SPAG16: variants seen among roughly 807,000 people sequenced by gnomAD.
The protein encoded by SPAG16 is sperm associated antigen 16.
SPAG16 carries 86 observed loss-of-function variants against 80.4 expected under a neutral mutation model. The ratio of observed to expected loss-of-function variants is 1.07; its 90% CI spans 0.90 to 1.28. SPAG16 has a LOEUF of 1.28. SPAG16 is among the 50% of genes most tolerant of loss of function. SPAG16 has a pLI of 0.00. For missense variants in SPAG16, 870 were observed against 765.3 expected (o/e 1.14, Z -1.61); for synonymous variants, 294 against 265.9 (o/e 1.11, Z -1.03).
chr2:214,270,799 T>C (rs1691934805), intron 15 of SPAG16, among the ~76,000 whole-genome samples: 1 of 152,172 alleles, frequency 6.6e-6, no homozygotes, highest in African/African-American at 2.4e-5. Flanking sequence ...TCTGACCATC[T>C]TATCTATAAA....
chr2:213,399,564 T>G (rs1421663588), intron 9 of SPAG16, among the ~76,000 whole-genome samples: 2 of 152,002 alleles, frequency 1.3e-5, no homozygotes, highest in African/African-American at 2.4e-5. Context: ...TGGACCTAGT[T>G]AATCATTTTT....
intron 10 of SPAG16, among the ~76,000 whole-genome samples, chr2:213,706,876 T>A (rs961606138): frequency 6.6e-6 from 1 of 152,224 alleles, no homozygotes; most frequent in Non-Finnish European, 1.5e-5. Context: ...AGAATCTGCT[T>A]CTAGTCATTA....
At chr2:214,129,297 A>G (rs2054645711) in intron 14 of SPAG16, among the ~76,000 whole-genome samples, 1 of 152,058 alleles carries the variant, frequency 6.6e-6, no homozygotes, top group African/African-American at 2.4e-5. Flanking sequence ...TCCTTGTGTT[A>G]TGGGATAGAA....
At chr2:213,308,280 A>G (rs1418488412) in intron 3 of SPAG16, among the ~76,000 whole-genome samples, 1 of 152,080 alleles carries the variant, frequency 6.6e-6, no homozygotes, top group Non-Finnish European at 1.5e-5. Context: ...AATAATTTTT[A>G]TGGCTGTACT....
intron 9 of SPAG16, among the ~76,000 whole-genome samples, chr2:213,383,913 C>G (rs2067299070): frequency 6.6e-6 from 1 of 152,194 alleles, no homozygotes; most frequent in African/African-American, 2.4e-5. Context: ...GTCTGCCCAA[C>G]TGAATGCACA....
At chr2:213,768,923 A>G (rs1301229629) in intron 10 of SPAG16, among the ~76,000 whole-genome samples, 1 of 152,218 alleles carries the variant, frequency 6.6e-6, no homozygotes, top group Non-Finnish European at 1.5e-5. Flanking sequence ...GCTATAACAT[A>G]GAGAATCCAT....
chr2:213,956,614 A>T (rs1003470019), intron 12 of SPAG16, among the ~76,000 whole-genome samples: 16 of 151,226 alleles, frequency 1.1e-4, no homozygotes, highest in African/African-American at 3.9e-4. Context: ...CGCCTGGCTA[A>T]TTTTTGTATT....
At chr2:213,849,607 A>G (rs1317558232) in intron 10 of SPAG16, among the ~76,000 whole-genome samples, 2 of 152,204 alleles carry the variant, frequency 1.3e-5, no homozygotes, top group Non-Finnish European at 2.9e-5. Context: ...TGAATTCTAT[A>G]CTATACCTCA....
intron 10 of SPAG16, among the ~76,000 whole-genome samples, chr2:213,682,767 G>A (rs905713290): frequency 1.3e-5 from 2 of 152,120 alleles, no homozygotes; most frequent in Non-Finnish European, 2.9e-5. Context: ...CTGGTCGGAG[G>A]TGTCACTTGT....
chr2:214,039,759 T>C (rs1361482838), intron 13 of SPAG16, among the ~76,000 whole-genome samples: 1 of 152,238 alleles, frequency 6.6e-6, no homozygotes, highest in Admixed American at 6.5e-5. Flanking sequence ...TTATTTTGCT[T>C]TGTTTTTGTA....
At chr2:213,917,303 C>A (rs1167158587) in intron 11 of SPAG16, among the ~76,000 whole-genome samples, 1 of 152,088 alleles carries the variant, frequency 6.6e-6, no homozygotes, top group Non-Finnish European at 1.5e-5. Flanking sequence ...TTTTCTAATT[C>A]TGTGAAGAAT....
At chr2:213,410,051 C>G (rs1041568781) in intron 9 of SPAG16, among the ~76,000 whole-genome samples, 2 of 146,304 alleles carry the variant, frequency 1.4e-5, no homozygotes, top group African/African-American at 5.1e-5. Context: ...CTACCTTGTG[C>G]TGCTAACCAC....
chr2:214,381,057 A>G (rs1298328018), intron 15 of SPAG16, among the ~76,000 whole-genome samples: 1 of 152,222 alleles, frequency 6.6e-6, no homozygotes. Context: ...GGAAAGCAGA[A>G]TGCTACCTTT....
chr2:213,354,057 C>T (rs192417979), intron 7 of SPAG16, among the ~76,000 whole-genome samples: 2 of 152,056 alleles, frequency 1.3e-5, no homozygotes, highest in Admixed American at 6.5e-5. Context: ...CATGATAGGC[C>T]CTGGTGTGTG....
chr2:213,640,982 G>T, intron 10 of SPAG16, among the ~76,000 whole-genome samples: 1 of 152,214 alleles, frequency 6.6e-6, no homozygotes, highest in East Asian at 1.9e-4. Flanking sequence ...TCTGGTAATG[G>T]ATAGGGCTAT....
At chr2:214,129,018 A>T (rs2125488258) in intron 14 of SPAG16, among the ~76,000 whole-genome samples, 1 of 151,840 alleles carries the variant, frequency 6.6e-6, no homozygotes, top group Admixed American at 6.7e-5. Flanking sequence ...TTCCCAGTGT[A>T]ATCTGAACAT....
At chr2:213,966,070 G>A (rs1488206244) in intron 12 of SPAG16, among the ~76,000 whole-genome samples, 1 of 152,132 alleles carries the variant, frequency 6.6e-6, no homozygotes, top group Non-Finnish European at 1.5e-5. Context: ...TAGAGTTTCT[G>A]CAACATATAC....
chr2:213,339,588 C>G (rs1285269545), intron 5 of SPAG16, among the ~76,000 whole-genome samples: 1 of 152,148 alleles, frequency 6.6e-6, no homozygotes, highest in Non-Finnish European at 1.5e-5. Flanking sequence ...TATTACAGCA[C>G]TGATATTGAA....
At chr2:213,563,313 T>G (rs575372700) in intron 10 of SPAG16, among the ~76,000 whole-genome samples, 86 of 152,350 alleles carry the variant, frequency 5.6e-4, no homozygotes, top group African/African-American at 2.0e-3. Flanking sequence ...AATTATAATT[T>G]GTTCTTGAAC....
Sources: allele counts gnomAD v4.1 joint callset (sites outside exome capture counted in the v4.1 genomes callset), GRCh38; gene constraint gnomAD v4.1.1; transcripts MANE v1.5; gene names NCBI Gene and HGNC (gene_info 2026-07-23, HGNC 2026-07-21).